Variants in NIPBL observed in about 807,000 individuals in gnomAD.
NIPBL encodes nipped-B-like protein.
Under a neutral mutation model 321.8 loss-of-function variants are expected in NIPBL, and 19 were observed. That is an observed-to-expected ratio of 0.06 (90% CI 0.04 to 0.09). The LOEUF (loss-of-function observed/expected upper bound fraction) is 0.09. Among genes scored for constraint, NIPBL ranks in the 10% least tolerant of loss-of-function variants. NIPBL has a pLI of 1.00. For missense variants in NIPBL, 2,210 were observed against 3,327.0 expected, an observed-to-expected ratio of 0.66 and a Z score of 8.26; for synonymous variants, 1,106 against 1,114.1, an observed-to-expected ratio of 0.99 and a Z score of 0.14.
Position 36,985,351 on chromosome 5 carries a change from C to T in NIPBL, c.2171C>T (p.Thr724Ile), listed in dbSNP as rs886042385. 3 of 1,613,454 alleles carry T rather than the reference C, an allele frequency of 1.9e-6. No homozygotes were observed. Among genetic ancestry groups the T allele is most frequent in the African/African-American group, 2.7e-5 (2 of 74,818 alleles). ...CAAAAGAGTGATGGGCATCCTGAAA[C>T]CCCAAAACAGAAGGGTGATGGAAGG... is the stretch of plus-strand genomic sequence containing the variant. The part of the protein sequence containing the change: ...PKQKSDGHPE[T>I]PKQKGDGRPE... Residue 724 changes from threonine (T) to isoleucine (I), a missense_variant, in exon 10 of 47, where the codon ACC becomes ATC. By Grantham distance (89) the Thr-to-Ile change is moderately conservative. Around this residue, in one of 14 missense-constraint regions of NIPBL, gnomAD observed 588 missense variants for 564.1 expected, o/e 1.04. Transcript: ENST00000282516.
At chr5:36,895,636 CTGAT>C (rs1238741133) in intron 1 of NIPBL, among the ~76,000 whole-genome samples, 1 of 152,112 alleles carries the variant, frequency 6.6e-6, no homozygotes, top group African/African-American at 2.4e-5. Context: ...TATTGTCTGT[CTGAT>C]TGTATTGGTC....
chr5:36,944,555 C>A (rs764600621), intron 1 of NIPBL, among the ~76,000 whole-genome samples: 1 of 152,060 alleles, frequency 6.6e-6, no homozygotes, highest in Non-Finnish European at 1.5e-5. Context: ...CTATTACATA[C>A]TTTTATAATT....
At chr5:36,915,040 G>C (rs1018511712) in intron 1 of NIPBL, among the ~76,000 whole-genome samples, 1 of 151,814 alleles carries the variant, frequency 6.6e-6, no homozygotes, top group Non-Finnish European at 1.5e-5. Context: ...GCATTAGATA[G>C]TGTTTTCAGA....
At chr5:36,960,802 T>C (rs1741529633) in intron 4 of NIPBL, among the ~76,000 whole-genome samples, 1 of 152,154 alleles carries the variant, frequency 6.6e-6, no homozygotes, top group African/African-American at 2.4e-5. Flanking sequence ...TAATGAAATG[T>C]CATGTGAATA....
intron 24 of NIPBL, among the ~76,000 whole-genome samples, chr5:37,019,084 CAG>C (rs1311843529): frequency 2.0e-5 from 3 of 152,112 alleles, no homozygotes; most frequent in Non-Finnish European, 2.9e-5. Context: ...GCCTGGGCGA[CAG>C]AGTGAAACTC....
At chr5:36,932,284 T>G (rs1389516001) in intron 1 of NIPBL, among the ~76,000 whole-genome samples, 1 of 152,188 alleles carries the variant, frequency 6.6e-6, no homozygotes, top group East Asian at 1.9e-4. Context: ...GTTGCTGAAG[T>G]TTTTTACATC....
At chr5:37,059,513 T>A (rs957827354) in intron 44 of NIPBL, among the ~76,000 whole-genome samples, 2 of 152,072 alleles carry the variant, frequency 1.3e-5, no homozygotes, top group African/African-American at 4.8e-5. Flanking sequence ...TCTAAAAAAA[T>A]AATAATAAAT....
In NIPBL at chr5:36,922,438, T is replaced by C. The variant is rs79578307; in HGVS notation, c.-79-31180T>C. 4.7e-3 allele frequency among the ~76,000 whole-genome samples: 710 copies of C among 152,270 alleles called. 41 individuals are homozygous for C. In the East Asian group the frequency reaches 0.11, roughly 24 times the overall value. Reference sequence around the variant, plus strand: ...GTAGTATATTCATAGAAAAAGTATTTTGAGTCCTTAAGAGCCATGAAGAAA... The same window carrying C: ...GTAGTATATTCATAGAAAAAGTATTCTGAGTCCTTAAGAGCCATGAAGAAA... On this transcript the variant is annotated intron_variant, in intron 1 of 46. Coordinates refer to ENST00000282516, the MANE Select transcript of NIPBL (RefSeq NM_133433.4).
At chr5:37,023,750 C>CTTTTTTTTT (rs779595045) in intron 29 of NIPBL, among the ~76,000 whole-genome samples, 2 of 75,860 alleles carry the variant, frequency 2.6e-5, no homozygotes, top group African/African-American at 1.0e-4. Context: ...TTTTCTTATT[C>CTTTTTTTTT]TTTTTTTTTT....
intron 4 of NIPBL, among the ~76,000 whole-genome samples, chr5:36,960,437 C>T (rs886881985): frequency 6.6e-6 from 1 of 150,480 alleles, no homozygotes; most frequent in Non-Finnish European, 1.5e-5. Context: ...TGGAGCAAAA[C>T]AATTCTGTGC....
At chr5:36,954,838 A>G (rs1364488705) in intron 2 of NIPBL, 2 of 153,056 alleles carry the variant, frequency 1.3e-5, no homozygotes, top group Non-Finnish European at 2.9e-5. Context: ...CAAATGAACA[A>G]ATTTGTTAGG....
At chr5:36,962,965 A>G (rs1044566057) in intron 6 of NIPBL, among the ~76,000 whole-genome samples, 2 of 152,166 alleles carry the variant, frequency 1.3e-5, no homozygotes, top group African/African-American at 4.8e-5. Context: ...AGGGATGACT[A>G]CTATGAAAAA....
intron 21 of NIPBL, 119 bp from the exon 22 acceptor site, chr5:37,014,564 A>G: frequency 1.5e-6 from 1 of 652,892 alleles, no homozygotes; most frequent in Non-Finnish European, 2.7e-6. Context: ...ATATAATGTA[A>G]TAGTTTAAGC....
At chr5:36,935,985 T>C (rs956378680) in intron 1 of NIPBL, among the ~76,000 whole-genome samples, 3 of 152,186 alleles carry the variant, frequency 2.0e-5, no homozygotes, top group Non-Finnish European at 4.4e-5. Flanking sequence ...TGAGATCCTT[T>C]ATTACATTGG....
chr5:36,932,778 GTTTTTTTTT>G (rs35264312), intron 1 of NIPBL, among the ~76,000 whole-genome samples: 1 of 69,866 alleles, frequency 1.4e-5, no homozygotes, highest in Non-Finnish European at 2.6e-5. Context: ...TTCCTCTGCT[GTTTTTTTTT>G]TTTTTTTTTT....
In NIPBL at chr5:36,949,554, T is replaced by C. The variant is rs559732308; in HGVS notation, c.-79-4064T>C. 1.1e-4 allele frequency among the ~76,000 whole-genome samples: 16 copies of C among 152,068 alleles called. No individual in the cohort carries two copies. In the East Asian group the frequency reaches 3.1e-3, roughly 29 times the overall value. The stretch of plus-strand genomic sequence containing the variant: ...AGTGCTGAGCAAACATGAGTTACCA[T>C]TTCTATTTTTTAATCACTAAAAGTA... On this transcript the variant is annotated intron_variant, in intron 1 of 46. Coordinates refer to ENST00000282516, the MANE Select transcript of NIPBL (RefSeq NM_133433.4).
intron 17 of NIPBL, among the ~76,000 whole-genome samples, chr5:37,007,076 A>G (rs1002498455): frequency 6.6e-6 from 1 of 151,958 alleles, no homozygotes; most frequent in African/African-American, 2.4e-5. Context: ...AGAAAAGTAG[A>G]AATCAAGATA....
intron 1 of NIPBL, among the ~76,000 whole-genome samples, chr5:36,923,071 G>A (rs1475161908): frequency 5.9e-5 from 9 of 152,074 alleles, no homozygotes; most frequent in South Asian, 4.1e-4. Context: ...GGCGGATCAC[G>A]AGGTCAAGAG....
chr5:36,892,715 A>G (rs1023557301), intron 1 of NIPBL, among the ~76,000 whole-genome samples: 6 of 151,802 alleles, frequency 4.0e-5, no homozygotes, highest in Non-Finnish European at 7.4e-5. Context: ...ACATGTTCTC[A>G]CTCATAGGTG....
Sources: gnomAD v4.1 joint callset for allele counts (sites outside exome capture counted in the v4.1 genomes callset) on GRCh38, gnomAD v4.1.1 for gene constraint, gnomAD v4.1.1 regional missense constraint, MANE v1.5 for transcripts, NCBI Gene and HGNC (gene_info 2026-07-23, HGNC 2026-07-21) for gene names.